SLC8A1: variants seen among roughly 807,000 people sequenced by gnomAD.
SLC8A1 encodes solute carrier family 8 member A1.
Under a neutral mutation model 68.3 loss-of-function variants are expected in SLC8A1, and 18 were observed. That is an observed-to-expected ratio of 0.26 (90% confidence interval 0.18 to 0.39). The LOEUF is 0.39. Among genes scored for constraint, SLC8A1 ranks in the 10% least tolerant of loss-of-function variants. The pLI is 1.00. For synonymous variants in SLC8A1, 475 were observed against 415.5 expected (o/e 1.14, Z -1.74); for missense variants, 985 against 1,156.7 (o/e 0.85, Z 2.15).
chr2:40,216,434 G>T (rs571173256), intron 2 of SLC8A1, among the ~76,000 whole-genome samples: 1 of 152,072 alleles, frequency 6.6e-6, no homozygotes, highest in Admixed American at 6.5e-5. Flanking sequence ...CTCCATGACT[G>T]CTATTGGAAA....
intron 2 of SLC8A1, among the ~76,000 whole-genome samples, chr2:40,372,311 G>C (rs1678356163): frequency 6.6e-6 from 1 of 152,062 alleles, no homozygotes; most frequent in Non-Finnish European, 1.5e-5. Flanking sequence ...TCTTAAATTG[G>C]TGTATGTGTG....
exon 8 of SLC8A1, chr2:40,101,710 A>G (rs1401526299): frequency 1.3e-5 from 2 of 152,122 alleles, no homozygotes; most frequent in African/African-American, 4.8e-5. Context: ...GGAAAGCATA[A>G]TTAAGCAGTG....
intron 2 of SLC8A1, among the ~76,000 whole-genome samples, chr2:40,401,899 CTG>C (rs1210457968): frequency 1.3e-5 from 2 of 152,120 alleles, no homozygotes; most frequent in Admixed American, 6.5e-5. Context: ...ACATAAAAAA[CTG>C]TAATTGGGTA....
chr2:40,463,465 T>C (rs1330160156), intron 1 of SLC8A1, among the ~76,000 whole-genome samples: 2 of 152,236 alleles, frequency 1.3e-5, no homozygotes, highest in African/African-American at 4.8e-5. Flanking sequence ...AGTTCCACTA[T>C]AGAACAATTA....
At chr2:40,387,545 T>A (rs932187753) in intron 2 of SLC8A1, among the ~76,000 whole-genome samples, 2 of 151,374 alleles carry the variant, frequency 1.3e-5, no homozygotes, top group African/African-American at 4.9e-5. Flanking sequence ...CTGTTATTTA[T>A]CTGAAGAAAG....
At chr2:40,286,274 A>G (rs1320654491) in intron 2 of SLC8A1, among the ~76,000 whole-genome samples, 1 of 152,166 alleles carries the variant, frequency 6.6e-6, no homozygotes. Context: ...GGTTCACAGG[A>G]AGGCATCTTC....
chr2:40,121,043 C>T (rs2036653360), intron 7 of SLC8A1, among the ~76,000 whole-genome samples: 1 of 152,138 alleles, frequency 6.6e-6, no homozygotes, highest in Non-Finnish European at 1.5e-5. Context: ...AGGCTTTTGA[C>T]AGCCTGAAGC....
At chr2:40,496,418 G>C (rs1474072792) in intron 1 of SLC8A1, among the ~76,000 whole-genome samples, 1 of 152,026 alleles carries the variant, frequency 6.6e-6, no homozygotes, top group African/African-American at 2.4e-5. Context: ...CAAACAGTTG[G>C]ATCAAGATCT....
At chr2:40,279,679 T>C (rs376975309) in intron 2 of SLC8A1, among the ~76,000 whole-genome samples, 3 of 152,334 alleles carry the variant, frequency 2.0e-5, no homozygotes, top group East Asian at 3.9e-4. Context: ...CCTATTTCAG[T>C]CCTTCTTTTA....
At chr2:40,198,504 G>C (rs2053519385) in intron 2 of SLC8A1, among the ~76,000 whole-genome samples, 1 of 151,844 alleles carries the variant, frequency 6.6e-6, no homozygotes, top group Admixed American at 6.6e-5. Context: ...TTTAATTTCA[G>C]TTGCTATAAG....
At chr2:40,239,318 G>A (rs1234650384) in intron 2 of SLC8A1, among the ~76,000 whole-genome samples, 2 of 152,110 alleles carry the variant, frequency 1.3e-5, no homozygotes, top group Non-Finnish European at 1.5e-5. Context: ...AGCTGTCTGA[G>A]TGGCACACAC....
At chr2:40,499,175 A>G (rs1465737901) in intron 1 of SLC8A1, among the ~76,000 whole-genome samples, 1 of 150,652 alleles carries the variant, frequency 6.6e-6, no homozygotes, top group African/African-American at 2.4e-5. Context: ...GTGGTATCGG[A>G]CAAAAAGAAG....
At chr2:40,237,927 G>A (rs1224427618) in intron 2 of SLC8A1, among the ~76,000 whole-genome samples, 1 of 107,472 alleles carries the variant, frequency 9.3e-6, no homozygotes, top group Admixed American at 1.2e-4. Context: ...GGGGGTCAGG[G>A]GTCAGGGACC....
At chr2:40,444,615 G>T (rs1701096555) in intron 1 of SLC8A1, among the ~76,000 whole-genome samples, 1 of 152,030 alleles carries the variant, frequency 6.6e-6, no homozygotes, top group Admixed American at 6.6e-5. Flanking sequence ...TGGTTAATGG[G>T]ACATAGTCAA....
chr2:40,446,857 A>AAGTGC (rs1163400434), intron 1 of SLC8A1, among the ~76,000 whole-genome samples: 1 of 152,218 alleles, frequency 6.6e-6, no homozygotes, highest in Non-Finnish European at 1.5e-5. Flanking sequence ...GGCACATAAA[A>AAGTGC]AGTGCTCAAC....
intron 1 of SLC8A1, among the ~76,000 whole-genome samples, chr2:40,443,150 C>T (rs1263549108): frequency 2.0e-5 from 3 of 151,900 alleles, no homozygotes; most frequent in African/African-American, 4.8e-5. Flanking sequence ...AAATACCTAA[C>T]GCATGCAGAG....
intron 2 of SLC8A1, among the ~76,000 whole-genome samples, chr2:40,188,523 A>C (rs1319504794): frequency 6.6e-6 from 1 of 152,194 alleles, no homozygotes; most frequent in Non-Finnish European, 1.5e-5. Context: ...GAACATTTTA[A>C]ACATTCCTGG....
At chr2:40,097,577 G>A (rs1053629997) in exon 8 of SLC8A1, 2 of 151,956 alleles carry the variant, frequency 1.3e-5, no homozygotes, top group Non-Finnish European at 2.9e-5. Context: ...TGCAGGAAGA[G>A]TCATTTATTG....
exon 8 of SLC8A1, chr2:40,111,488 A>C (rs1448081205): frequency 6.6e-6 from 1 of 152,152 alleles, no homozygotes; most frequent in African/African-American, 2.4e-5. Flanking sequence ...TACTAAAGAA[A>C]ATTTTAAAGA....
Sources: allele counts gnomAD v4.1 joint callset (sites outside exome capture counted in the v4.1 genomes callset), GRCh38; gene constraint gnomAD v4.1.1; transcripts MANE v1.5; gene names NCBI Gene and HGNC (gene_info 2026-07-23, HGNC 2026-07-21).